DNMT3A: variants seen among roughly 807,000 people sequenced by gnomAD.
DNMT3A encodes the protein DNA (cytosine-5)-methyltransferase 3A.
DNMT3A carries 267 observed loss-of-function variants against 117.6 expected under a neutral mutation model. That is an observed-to-expected ratio of 2.27 (90% CI 2.05 to 2.51). The LOEUF is 2.51. DNMT3A is among the 30% of genes most tolerant of loss of function. The probability of loss-of-function intolerance (pLI) is 0.00; values close to 1 mark genes in which losing one functional copy is unlikely to be tolerated. For synonymous variants in DNMT3A, 432 were observed against 474.8 expected, an observed-to-expected ratio of 0.91 and a Z score of 1.17; for missense variants, 1,029 against 1,260.2, an observed-to-expected ratio of 0.82 and a Z score of 2.78.
At chr2:25,280,966 C>T (rs1173560363) in intron 4 of DNMT3A, among the ~76,000 whole-genome samples, 1 of 152,094 alleles carries the variant, frequency 6.6e-6, no homozygotes, top group African/African-American at 2.4e-5. Context: ...TCCTGGGAAG[C>T]GAAGTCAACT....
chr2:25,246,673 C>G lies in DNMT3A; in HGVS notation c.1226G>C (p.Trp409Ser). The change falls in exon 10 of 23, where the codon TGG becomes TCG. Residue 409 changes from tryptophan (W) to serine (S), a missense_variant. Physicochemically the swap from Trp to Ser is radical, Grantham distance 177 (BLOSUM62 -3). Transcript: ENST00000321117. ...VEVQNKPMIE[W>S]ALGGFQPSGP... ...AGAAGGCTGGAAGCCCCCCAGGGCC[C>G]ATTCAATCATGGGCTTGTTCTGCAC... 1 of 1,613,714 alleles carries G rather than the reference C, an allele frequency of 6.2e-7. No individual in the cohort carries two copies. The highest frequency in any genetic ancestry group is 8.5e-7 in the Non-Finnish European group (1 of 1,180,010).
chr2:25,305,613 A>G lies in DNMT3A; in HGVS notation c.73-5370T>C, dbSNP rs1236443872. 6.6e-6 allele frequency among the ~76,000 whole-genome samples: 1 copy of G among 152,232 alleles called. No individual in the cohort carries two copies. Among genetic ancestry groups the G allele is most frequent in the Non-Finnish European group, 1.5e-5 (1 of 68,044 alleles). On this transcript the variant is annotated intron_variant, in intron 2 of 22. Coordinates refer to ENST00000321117, the MANE Select transcript of DNMT3A (RefSeq NM_022552.5). The surrounding 1 kb of genome is among the most constrained non-coding windows in gnomAD (Gnocchi z 4.1). The stretch of plus-strand genomic sequence containing the variant: ...GACTTGCAGGGATCAGAGAGCCAGG[A>G]AAGGAGGCCTTTAGAACCAAAATTT...
Position 25,234,584 on chromosome 2 carries a change from C to T in DNMT3A, c.2598-164G>A, listed in dbSNP as rs142047180. Among the ~76,000 whole-genome samples, 5 of 152,280 alleles carry T rather than the reference C, an allele frequency of 3.3e-5. No individual in the cohort carries two copies. The highest frequency in any genetic ancestry group is 1.2e-4 in the African/African-American group (5 of 41,546). On this transcript the variant is annotated intron_variant, in intron 22 of 22. Transcript: ENST00000321117. The surrounding 1 kb of genome is among the most constrained non-coding windows in gnomAD (Gnocchi z 4.5). ...TCCTCTGACGCCTGCTTAGTTCTGC[C>T]GAATCTTCTGTCCTTTATAAACAAC...
rs1032735740 is a variant in DNMT3A at position 25,280,528 on chromosome 2, T to C, written c.448+1913A>G. Among the ~76,000 whole-genome samples, 55 of 152,306 alleles carry C rather than the reference T, an allele frequency of 3.6e-4. 1 individual carries two copies. Among genetic ancestry groups the C allele is most frequent in the African/African-American group, 1.1e-3 (44 of 41,576 alleles). On this transcript the variant is annotated intron_variant, in intron 4 of 22. Transcript: ENST00000321117. The stretch of plus-strand genomic sequence containing the variant: ...TCACCCAGTGGACTCCCTTCGCCCT[T>C]CAGCTCGCGCTGGACAGCCCAGGCC...
In DNMT3A at chr2:25,321,607, A is replaced by G. The variant is rs542674582; in HGVS notation, c.-177-7446T>C. Among the ~76,000 whole-genome samples, 124 of 152,364 alleles carry G rather than the reference A, an allele frequency of 8.1e-4. 1 individual carries two copies. The highest frequency in any genetic ancestry group is 3.4e-3 in the Middle Eastern group (1 of 294). On this transcript the variant is annotated intron_variant, in intron 1 of 22. Coordinates refer to ENST00000321117, the MANE Select transcript of DNMT3A (RefSeq NM_022552.5). ...CATTATTCTGGCTACCAAATGCACAAAACATTTTTGAGGCTGGACACAATG... is the reference window on the plus strand; with the variant it reads ...CATTATTCTGGCTACCAAATGCACAGAACATTTTTGAGGCTGGACACAATG...
chr2:25,297,660 G>A (rs766447725), intron 3 of DNMT3A, among the ~76,000 whole-genome samples: 27 of 152,218 alleles, frequency 1.8e-4, no homozygotes, highest in Non-Finnish European at 3.4e-4. Context: ...ACAGGCACCC[G>A]CCATCATGCC....
At chr2:25,331,091 A>C (rs945182329) in intron 1 of DNMT3A, among the ~76,000 whole-genome samples, 3 of 152,338 alleles carry the variant, frequency 2.0e-5, no homozygotes, top group Middle Eastern at 3.4e-3. Flanking sequence ...AAAACAAACA[A>C]CACCAGCCTG....
rs1179539918 is a variant in DNMT3A at position 25,240,670 on chromosome 2, T to TG, written c.2142dup (p.Ile715HisfsTer19). The TG allele has an allele frequency of 1.9e-6, 3 of 1,613,996 alleles. No homozygotes were observed. The highest frequency in any genetic ancestry group is 2.5e-6 in the Non-Finnish European group (3 of 1,180,002). The stretch of plus-strand genomic sequence containing the variant: ...AGGCCCTTGCGAGCAGGGTTGACGA[T>TG]GGAGAGGTCATTGCAGGGACTGCCC... On this transcript the variant is annotated frameshift_variant, in exon 18 of 23. Transcript: ENST00000321117. LOFTEE classifies it high-confidence loss of function.
chr2:25,288,496 G>C (rs1289380621), intron 3 of DNMT3A, among the ~76,000 whole-genome samples: 3 of 152,014 alleles, frequency 2.0e-5, no homozygotes, highest in Non-Finnish European at 4.4e-5. Flanking sequence ...ATTTTTAGTA[G>C]AGATGGGATT....
intron 1 of DNMT3A, among the ~76,000 whole-genome samples, chr2:25,335,015 A>C (rs966734420): frequency 2.6e-5 from 4 of 152,274 alleles, no homozygotes; most frequent in Non-Finnish European, 4.4e-5. Flanking sequence ...AAAAAGCAAA[A>C]ACTTGTTGAC....
chr2:25,325,873 A>G (rs1039607086), intron 1 of DNMT3A, among the ~76,000 whole-genome samples: 1 of 152,200 alleles, frequency 6.6e-6, no homozygotes, highest in Non-Finnish European at 1.5e-5. Context: ...AAGTTATGGT[A>G]ACAACAACAA....
At chr2:25,340,798 C>G (rs551756510) in intron 1 of DNMT3A, among the ~76,000 whole-genome samples, 2 of 150,620 alleles carry the variant, frequency 1.3e-5, no homozygotes, top group African/African-American at 2.4e-5. Flanking sequence ...GGGCGTACCC[C>G]CCCTGCGCCG....
intron 10 of DNMT3A, 139 bp from the exon 11 acceptor site, chr2:25,246,448 A>C: frequency 7.0e-7 from 1 of 1,430,708 alleles, no homozygotes; most frequent in Non-Finnish European, 9.4e-7. Context: ...CTAGCCAACC[A>C]ACAGAGAGCA....
intron 6 of DNMT3A, among the ~76,000 whole-genome samples, chr2:25,273,983 T>A (rs1357069756): frequency 6.6e-6 from 1 of 152,232 alleles, no homozygotes; most frequent in East Asian, 1.9e-4. Context: ...CTCCCCTTGC[T>A]GAGCCCTTAA....
rs1220302559 is a variant in DNMT3A at position 25,234,797 on chromosome 2, G to A, written c.2598-377C>T. Among the ~76,000 whole-genome samples the A allele has an allele frequency of 1.3e-5, 2 of 152,106 alleles. No individual in the cohort carries two copies. Among genetic ancestry groups the A allele is most frequent in the African/African-American group, 2.4e-5 (1 of 41,412 alleles). ...TCTCCTGCAGGGTTAGCTCGGCAAC[G>A]TACACCTGGAGTCTGCATGTAACGA... On this transcript the variant is annotated intron_variant, in intron 22 of 22. Coordinates refer to ENST00000321117, the MANE Select transcript of DNMT3A (RefSeq NM_022552.5). The surrounding 1 kb of genome is among the most constrained non-coding windows in gnomAD (Gnocchi z 4.5).
At chr2:25,331,692 A>G (rs2035018880) in intron 1 of DNMT3A, among the ~76,000 whole-genome samples, 1 of 152,192 alleles carries the variant, frequency 6.6e-6, no homozygotes, top group African/African-American at 2.4e-5. Context: ...AAACATCTGC[A>G]GGGGTCGTAC....
At chr2:25,341,975 C>T, upstream of DNMT3A, 4 of 973,164 alleles carry the variant, frequency 4.1e-6, no homozygotes, top group African/African-American at 1.8e-5. Context: ...CTCGCTCCCT[C>T]CCTCCGCTCG....
At position 25,243,889 on chromosome 2, in the gene DNMT3A, A is replaced by G. The variant is rs1674375856; in HGVS notation, c.1936+9T>C. 1 of 1,551,718 alleles carries G rather than the reference A, an allele frequency of 6.4e-7. No homozygotes were observed. Among genetic ancestry groups the G allele is most frequent in the Admixed American group, 2.0e-5 (1 of 50,974 alleles). The stretch of plus-strand genomic sequence containing the variant: ...GGCGGCCAGCACCTCTTGGGCCTGC[A>G]CCCCTCACCTGTAGCGATTCCATCA... On this transcript the variant is annotated intron_variant, in intron 16 of 22. Transcript: ENST00000321117.
intron 6 of DNMT3A, among the ~76,000 whole-genome samples, chr2:25,260,472 GT>G (rs200284494): frequency 1.3e-5 from 2 of 149,950 alleles, no homozygotes; most frequent in Non-Finnish European, 3.0e-5. Context: ...CTCAATTTTT[GT>G]TTTTTTTTGC....
Sources: allele counts gnomAD v4.1 joint callset (sites outside exome capture counted in the v4.1 genomes callset), GRCh38; gene constraint gnomAD v4.1.1; non-coding constraint Gnocchi (gnomAD v3.1); transcripts MANE v1.5; gene names NCBI Gene and HGNC (gene_info 2026-07-23, HGNC 2026-07-21).